The following LDLRAD3 variants were observed in gnomAD, a reference collection of about 807,000 sequenced individuals.
The protein encoded by LDLRAD3 is low-density lipoprotein receptor class A domain-containing protein 3.
LDLRAD3 carries 20 observed loss-of-function variants against 29.4 expected under a neutral mutation model. The ratio of observed to expected loss-of-function variants is 0.68; its 90% confidence interval spans 0.48 to 0.99. The LOEUF (loss-of-function observed/expected upper bound fraction) is 0.99. Ranked by LOEUF, LDLRAD3 falls within the 50% of genes least tolerant of loss-of-function variation. The probability of loss-of-function intolerance (pLI) is 0.00; values close to 1 mark genes in which losing one functional copy is unlikely to be tolerated. For missense variants in LDLRAD3, 420 were observed against 454.3 expected (o/e 0.92, Z 0.69); for synonymous variants, 157 against 192.7 (o/e 0.81, Z 1.53).
chr11:36,130,448 G>A (rs1253030250), intron 4 of LDLRAD3, among the ~76,000 whole-genome samples: 1 of 152,178 alleles, frequency 6.6e-6, no homozygotes, highest in East Asian at 1.9e-4. Context: ...GACAGCGTGA[G>A]GCCATCAAAA....
rs56358213 is a variant in LDLRAD3, at chr11:36,057,323, G to A, written c.193+21074G>A. 7.2e-3 allele frequency among the ~76,000 whole-genome samples: 1,092 copies of A among 151,408 alleles called. 19 individuals carry two copies. The highest frequency in any genetic ancestry group is 0.025 in the African/African-American group (1,042 of 41,194). On this transcript the variant is annotated intron_variant, in intron 2 of 5. Coordinates refer to ENST00000315571, the MANE Select transcript of LDLRAD3 (RefSeq NM_174902.4). ...AAGCCCACTTGTATCCTGTTTCGCC[G>A]GGGGAGCCTAATCTACACTCAAGTT...
At chr11:36,138,536 A>G (rs1854035244) in intron 4 of LDLRAD3, among the ~76,000 whole-genome samples, 1 of 152,240 alleles carries the variant, frequency 6.6e-6, no homozygotes, top group East Asian at 1.9e-4. Flanking sequence ...CTCCAACTTC[A>G]TAGCAACACC....
At chr11:36,132,837 G>A (rs1033062785) in intron 4 of LDLRAD3, among the ~76,000 whole-genome samples, 1 of 152,218 alleles carries the variant, frequency 6.6e-6, no homozygotes, top group African/African-American at 2.4e-5. Flanking sequence ...TGTATACAGA[G>A]GGAAGAGCAC....
At chr11:36,135,303 C>A (rs1002977947) in intron 4 of LDLRAD3, among the ~76,000 whole-genome samples, 3 of 152,130 alleles carry the variant, frequency 2.0e-5, no homozygotes, top group African/African-American at 7.2e-5. Flanking sequence ...CATTTTGATT[C>A]TTGAAAGATT....
At chr11:36,080,854 A>G (rs1461998961) in intron 2 of LDLRAD3, among the ~76,000 whole-genome samples, 1 of 152,204 alleles carries the variant, frequency 6.6e-6, no homozygotes, top group Admixed American at 6.5e-5. Context: ...GTTGTAATGT[A>G]ACAACATATG....
intron 4 of LDLRAD3, among the ~76,000 whole-genome samples, chr11:36,144,769 C>G (rs1269055301): frequency 7.3e-6 from 1 of 137,390 alleles, no homozygotes; most frequent in Admixed American, 7.1e-5. Flanking sequence ...GGGGTCAGCC[C>G]CCCGCCCGGC....
intron 1 of LDLRAD3, among the ~76,000 whole-genome samples, chr11:35,966,634 C>T (rs1056216365): frequency 6.7e-6 from 1 of 148,658 alleles, no homozygotes; most frequent in Non-Finnish European, 1.5e-5. Context: ...GTCAAGTTTT[C>T]CTTGAACCTT....
At chr11:36,188,854 T>G (rs911774282) in intron 4 of LDLRAD3, among the ~76,000 whole-genome samples, 5 of 152,166 alleles carry the variant, frequency 3.3e-5, no homozygotes, top group Non-Finnish European at 7.3e-5. Context: ...AGGCTCATAT[T>G]CCTTCTAAGC....
intron 1 of LDLRAD3, among the ~76,000 whole-genome samples, chr11:35,960,657 C>T (rs999726714): frequency 1.3e-5 from 2 of 152,142 alleles, no homozygotes; most frequent in East Asian, 1.9e-4. Flanking sequence ...AGTGCAGTGG[C>T]GCGATCTCGG....
intron 1 of LDLRAD3, among the ~76,000 whole-genome samples, chr11:35,999,026 G>C (rs998410629): frequency 3.3e-5 from 5 of 152,184 alleles, no homozygotes; most frequent in African/African-American, 9.7e-5. Flanking sequence ...TAAAGCCCTG[G>C]ATGTGTGATA....
At chr11:36,006,687 G>T (rs1327017194) in intron 1 of LDLRAD3, among the ~76,000 whole-genome samples, 1 of 152,198 alleles carries the variant, frequency 6.6e-6, no homozygotes, top group Non-Finnish European at 1.5e-5. Context: ...ACTTAGCACT[G>T]GTTCCTTCCT....
chr11:35,996,789 A>G (rs115566622), intron 1 of LDLRAD3, among the ~76,000 whole-genome samples: 3,032 of 152,314 alleles, frequency 0.02, 105 homozygotes, highest in African/African-American at 0.066. Context: ...AAACAATAAC[A>G]GTTAACTGTT....
chr11:36,210,670 A>G (rs1855272736), intron 4 of LDLRAD3, among the ~76,000 whole-genome samples: 1 of 152,180 alleles, frequency 6.6e-6, no homozygotes, highest in African/African-American at 2.4e-5. Flanking sequence ...TTCAAGAAGT[A>G]TAAATATGAG....
chr11:36,100,735 G>A (rs1853434353), intron 4 of LDLRAD3, among the ~76,000 whole-genome samples: 1 of 152,210 alleles, frequency 6.6e-6, no homozygotes, highest in Non-Finnish European at 1.5e-5. Flanking sequence ...ACTGCGCCCG[G>A]CCTATACAGT....
intron 4 of LDLRAD3, among the ~76,000 whole-genome samples, chr11:36,155,912 A>G (rs564607162): frequency 3.9e-5 from 6 of 152,280 alleles, no homozygotes; most frequent in South Asian, 2.1e-4. Context: ...TGAGCCAGCA[A>G]TAGTAGCATG....
intron 3 of LDLRAD3, among the ~76,000 whole-genome samples, chr11:36,093,975 G>T (rs1393453465): frequency 1.3e-5 from 2 of 152,220 alleles, no homozygotes. Flanking sequence ...TTAGGAAAGG[G>T]TAGGTATATG....
rs950214056 is a variant in LDLRAD3 at position 36,227,122 on chromosome 11, C to T, written c.492C>T (p.Asn164=). The change falls in exon 5 of 6, where the codon AAC becomes AAT. Residue 164 remains asparagine, a synonymous_variant. Transcript: ENST00000315571. ...GGCAGGTGTTTGTGACTTCAGAGAA[C>T]CAACTTGTGTATTACCCCAGCATCA... ...GSGQVFVTSE[N]QLVYYPSITY... The T allele has an allele frequency of 5.7e-5, 91 of 1,608,498 alleles. No individual in the cohort carries two copies. The highest frequency in any genetic ancestry group is 7.6e-5 in the Non-Finnish European group (89 of 1,175,908).
chr11:36,021,224 GT>G (rs555025448), intron 1 of LDLRAD3, among the ~76,000 whole-genome samples: 2 of 152,224 alleles, frequency 1.3e-5, no homozygotes, highest in Non-Finnish European at 2.9e-5. Flanking sequence ...GGCGGTGTTG[GT>G]TTGGAAGTTA....
chr11:36,018,840 G>T (rs552602526), intron 1 of LDLRAD3, among the ~76,000 whole-genome samples: 10 of 152,302 alleles, frequency 6.6e-5, no homozygotes, highest in African/African-American at 2.4e-4. Flanking sequence ...GTGAGGCTGT[G>T]CATCTTTTCA....
Sources: gnomAD v4.1 joint callset for allele counts (sites outside exome capture counted in the v4.1 genomes callset) on GRCh38, gnomAD v4.1.1 for gene constraint, MANE v1.5 for transcripts, NCBI Gene and HGNC (gene_info 2026-07-23, HGNC 2026-07-21) for gene names.